Variants in SMG7 observed in about 807,000 individuals in gnomAD.
The protein encoded by SMG7 is nonsense-mediated mRNA decay factor SMG7.
Under a neutral mutation model 148.2 loss-of-function variants are expected in SMG7, and 34 were observed. The ratio of observed to expected loss-of-function variants is 0.23; its 90% confidence interval spans 0.17 to 0.31. The LOEUF (loss-of-function observed/expected upper bound fraction) is 0.31, where lower values mean the gene tolerates loss of function less well. Ranked by LOEUF, SMG7 falls within the 10% of genes least tolerant of loss-of-function variation. The pLI is 1.00. For synonymous variants in SMG7, 492 were observed against 515.1 expected, an observed-to-expected ratio of 0.96 and a Z score of 0.61; for missense variants, 1,114 against 1,408.4, an observed-to-expected ratio of 0.79 and a Z score of 3.35.
chr1:183,493,882 T>G (rs1657704871), intron 1 of SMG7, among the ~76,000 whole-genome samples: 1 of 152,182 alleles, frequency 6.6e-6, no homozygotes, highest in Non-Finnish European at 1.5e-5. Context: ...ACCCGGCCAC[T>G]TTACTGGTTT....
At chr1:183,516,138 G>A in intron 3 of SMG7, 147 bp downstream of exon 3, 1 of 619,048 alleles carries the variant, frequency 1.6e-6, no homozygotes, top group Non-Finnish European at 2.9e-6. Context: ...GTGATATTTG[G>A]CCATTGGTAT....
At position 183,515,942 on chromosome 1, in the gene SMG7, C is replaced by G. The variant is rs1302624431; in HGVS notation, c.130C>G (p.Leu44Val). ...TCTGCAGGACCTGTACCAGAAAATGCTAGTTACCGATTTGGAATACGCTTT... is the reference window on the plus strand; with the variant it reads ...TCTGCAGGACCTGTACCAGAAAATGGTAGTTACCGATTTGGAATACGCTTT... ...QALQDLYQKM[L>V]VTDLEYALDK... Residue 44 changes from leucine (L) to valine (V), a missense_variant, in exon 3 of 23, where the codon CTA becomes GTA. Physicochemically the swap from Leu to Val is conservative, Grantham distance 32. This residue lies in a region of SMG7 where 216 missense variants were observed against 329.1 expected (regional missense o/e 0.66). Coordinates refer to ENST00000688051, the MANE Select transcript of SMG7 (RefSeq NM_001375584.1). 6.2e-7 allele frequency: 1 copy of G among 1,613,204 alleles called. No individual in the cohort carries two copies. The highest frequency in any genetic ancestry group is 2.2e-5 in the East Asian group (1 of 44,826).
chr1:183,547,103 G>T lies in SMG7; in HGVS notation c.2743G>T (p.Asp915Tyr). 6.5e-7 allele frequency: 1 copy of T among 1,548,624 alleles called. No homozygotes were observed. Among genetic ancestry groups the T allele is most frequent in the Non-Finnish European group, 8.7e-7 (1 of 1,146,144 alleles). ...QDPVPRMPFEDPKSSPLLPPD... is the reference protein window; with the variant it reads ...QDPVPRMPFEYPKSSPLLPPD... Reference sequence around the variant, plus strand: ...TCACTGTGATGCTTTCTGTCACTAGGACCCCAAGAGCTCCCCTCTGCTTCC... The same window carrying T: ...TCACTGTGATGCTTTCTGTCACTAGTACCCCAAGAGCTCCCCTCTGCTTCC... The change falls in exon 18 of 23, where the codon GAC (aspartate) becomes TAC (tyrosine). Residue 915 changes from aspartate to tyrosine, a missense_variant and splice_region_variant. Transcript: ENST00000688051.
intron 1 of SMG7, among the ~76,000 whole-genome samples, chr1:183,486,492 C>A (rs1655452049): frequency 6.6e-6 from 1 of 152,204 alleles, no homozygotes; most frequent in Non-Finnish European, 1.5e-5. Context: ...CTCACTGCAG[C>A]CTCCACCTCC....
chr1:183,516,934 C>G (rs1228162618), intron 3 of SMG7, among the ~76,000 whole-genome samples: 1 of 152,192 alleles, frequency 6.6e-6, no homozygotes, highest in Non-Finnish European at 1.5e-5. Flanking sequence ...TTGTAAACCT[C>G]TTATCTGTGT....
At chr1:183,498,993 A>G (rs986140703) in intron 1 of SMG7, among the ~76,000 whole-genome samples, 1 of 152,132 alleles carries the variant, frequency 6.6e-6, no homozygotes, top group Admixed American at 6.5e-5. Flanking sequence ...GGAATGTCAT[A>G]TGGTTGGAAT....
chr1:183,540,281 T>A (rs1668581554), intron 12 of SMG7, among the ~76,000 whole-genome samples: 1 of 152,182 alleles, frequency 6.6e-6, no homozygotes, highest in Non-Finnish European at 1.5e-5. Flanking sequence ...CCTTTTACTA[T>A]ATTCACTTAA....
At chr1:183,478,859 T>C (rs1042801588) in intron 1 of SMG7, among the ~76,000 whole-genome samples, 2 of 152,222 alleles carry the variant, frequency 1.3e-5, no homozygotes, top group Non-Finnish European at 2.9e-5. Context: ...AGATAGTGGA[T>C]TATTCATCTG....
rs146835507 is a variant in SMG7, at chr1:183,515,944, A to G, written c.132A>G (p.Leu44=). 2.9e-4 allele frequency: 464 copies of G among 1,613,602 alleles called. No homozygotes were observed. In the African/African-American group the frequency reaches 5.7e-3, roughly 20 times the overall value. The change falls in exon 3 of 23, where the codon CTA becomes CTG. Residue 44 remains leucine, a synonymous_variant. Coordinates refer to ENST00000688051, the MANE Select transcript of SMG7 (RefSeq NM_001375584.1). ...TGCAGGACCTGTACCAGAAAATGCT[A>G]GTTACCGATTTGGAATACGCTTTAG... ...QALQDLYQKM[L]VTDLEYALDK...
chr1:183,502,460 C>G, intron 1 of SMG7: 1 of 1,160,228 alleles, frequency 8.6e-7, no homozygotes, highest in Non-Finnish European at 1.2e-6. Context: ...TATTCATACT[C>G]TGTGAATACT....
At chr1:183,537,325 G>A (rs1667969993) in intron 11 of SMG7, 110 bp downstream of exon 11, 1 of 781,256 alleles carries the variant, frequency 1.3e-6, no homozygotes, top group Non-Finnish European at 2.2e-6. Context: ...TTTAAATTCA[G>A]TATCTCAGAA....
At chr1:183,538,108 A>G (rs1375570007) in intron 11 of SMG7, among the ~76,000 whole-genome samples, 1 of 152,184 alleles carries the variant, frequency 6.6e-6, no homozygotes, top group East Asian at 1.9e-4. Context: ...ATCCAAGACT[A>G]TGAATTTTTA....
chr1:183,485,171 G>A (rs992209338), intron 1 of SMG7, among the ~76,000 whole-genome samples: 1 of 152,214 alleles, frequency 6.6e-6, no homozygotes, highest in African/African-American at 2.4e-5. Context: ...AAGTGGCAGA[G>A]CTGGGTTTTG....
intron 1 of SMG7, chr1:183,502,358 A>G: frequency 6.5e-7 from 1 of 1,534,820 alleles, no homozygotes; most frequent in Non-Finnish European, 8.7e-7. Context: ...GAAAACTTGA[A>G]ATCAGAGGAG....
At chr1:183,477,905 G>C (rs1001030873) in intron 1 of SMG7, among the ~76,000 whole-genome samples, 6 of 152,062 alleles carry the variant, frequency 3.9e-5, no homozygotes, top group East Asian at 3.8e-4. Context: ...CAGAAGTTTT[G>C]TTACTAATAT....
chr1:183,521,751 G>C (rs1287015686), intron 4 of SMG7, among the ~76,000 whole-genome samples: 2 of 151,528 alleles, frequency 1.3e-5, no homozygotes, highest in Non-Finnish European at 2.9e-5. Context: ...TGTAGTACCA[G>C]CTACTCTAGG....
intron 10 of SMG7, among the ~76,000 whole-genome samples, chr1:183,535,461 A>G (rs1667586643): frequency 6.6e-6 from 1 of 152,248 alleles, no homozygotes; most frequent in Admixed American, 6.5e-5. Context: ...TTATGTTAGT[A>G]CTCATTTTAA....
At chr1:183,515,331 TGA>T (rs1663231449) in intron 2 of SMG7, among the ~76,000 whole-genome samples, 1 of 152,122 alleles carries the variant, frequency 6.6e-6, no homozygotes, top group Non-Finnish European at 1.5e-5. Context: ...GTCAATATAT[TGA>T]GAGAGGAGTA....
At chr1:183,540,052 T>TC (rs1468441473) in intron 12 of SMG7, among the ~76,000 whole-genome samples, 1 of 152,114 alleles carries the variant, frequency 6.6e-6, no homozygotes, top group Non-Finnish European at 1.5e-5. Context: ...TTCTTCCATT[T>TC]CCCCCAGTAT....
Sources: gnomAD v4.1 joint callset for allele counts (sites outside exome capture counted in the v4.1 genomes callset) on GRCh38, gnomAD v4.1.1 for gene constraint, gnomAD v4.1.1 regional missense constraint, MANE v1.5 for transcripts, NCBI Gene and HGNC (gene_info 2026-07-23, HGNC 2026-07-21) for gene names.